PDZD2: variants seen among roughly 807,000 people sequenced by gnomAD.
PDZD2 encodes PDZ domain containing 2, also known as PDZ domain-containing protein 2.
PDZD2 carries 90 observed loss-of-function variants against 220.7 expected under a neutral mutation model. That is an observed-to-expected ratio of 0.41 (90% CI 0.34 to 0.49). The LOEUF (loss-of-function observed/expected upper bound fraction) is 0.49, where lower values mean the gene tolerates loss of function less well. Ranked by LOEUF, PDZD2 falls within the 20% of genes least tolerant of loss-of-function variation. The pLI is 0.28. For missense variants in PDZD2, 3,174 were observed against 3,608.5 expected, an observed-to-expected ratio of 0.88 and a Z score of 3.08; for synonymous variants, 1,375 against 1,450.5, an observed-to-expected ratio of 0.95 and a Z score of 1.18.
At chr5:31,699,792 G>GT (rs397780799) in intron 1 of PDZD2, among the ~76,000 whole-genome samples, 25,956 of 134,022 alleles carry the variant, frequency 0.19, 2,378 homozygotes, top group East Asian at 0.31. Context: ...TTTTTTTTTT[G>GT]TTTTTTTTTT....
At chr5:31,665,634 A>G (rs527697987) in intron 1 of PDZD2, among the ~76,000 whole-genome samples, 82 of 62,424 alleles carry the variant, frequency 1.3e-3, no homozygotes, top group African/African-American at 4.3e-3. Flanking sequence ...AAGTGTTTGG[A>G]AGTTCCCCCT....
intron 2 of PDZD2, among the ~76,000 whole-genome samples, chr5:31,802,235 C>T (rs186001217): frequency 1.6e-4 from 25 of 152,158 alleles, no homozygotes; most frequent in Non-Finnish European, 3.4e-4. Flanking sequence ...GAGGGAGGTT[C>T]ACTGTAGCTG....
rs543290061 is a variant in PDZD2, at chr5:31,890,045, AC to A, written c.476+90328del. Among the ~76,000 whole-genome samples, 38 of 124,176 alleles carry A rather than the reference AC, an allele frequency of 3.1e-4. No individual in the cohort carries two copies. In the South Asian group the frequency reaches 8.4e-3, roughly 27 times the overall value. The allele number at this position is 124,176 out of a possible 152,430, so 81.5% of individuals were successfully genotyped here. A position where few individuals can be genotyped will look rare whatever the true frequency, so the allele number is the denominator to read the frequency against. ...CCCCCCTCCAAAAGCAAAAACAAAC[AC>A]CCCCCCACCCCCACCAAAACAAACA... On this transcript the variant is annotated intron_variant, in intron 2 of 24. Transcript: ENST00000438447.
chr5:31,910,986 A>C (rs1340704802), intron 2 of PDZD2, among the ~76,000 whole-genome samples: 1 of 152,098 alleles, frequency 6.6e-6, no homozygotes, highest in Admixed American at 6.5e-5. Flanking sequence ...TAAAATTCCC[A>C]TTGATATGAG....
At chr5:31,924,339 C>T (rs1744552166) in intron 2 of PDZD2, among the ~76,000 whole-genome samples, 2 of 152,192 alleles carry the variant, frequency 1.3e-5, no homozygotes, top group South Asian at 4.2e-4. Context: ...ATGTAATTGT[C>T]TCCAGGTACA....
chr5:32,067,465 A>C (rs1166139111), intron 14 of PDZD2, among the ~76,000 whole-genome samples: 1 of 152,148 alleles, frequency 6.6e-6, no homozygotes, highest in African/African-American at 2.4e-5. Context: ...TATATGCCTG[A>C]GTGCATGTAT....
intron 1 of PDZD2, among the ~76,000 whole-genome samples, chr5:31,796,067 A>T (rs1252565219): frequency 6.6e-6 from 1 of 152,210 alleles, no homozygotes; most frequent in East Asian, 1.9e-4. Context: ...CTCTTGGCCA[A>T]CAGTGATTGG....
At chr5:31,964,543 G>A (rs1748543469) in intron 2 of PDZD2, among the ~76,000 whole-genome samples, 1 of 151,994 alleles carries the variant, frequency 6.6e-6, no homozygotes, top group Non-Finnish European at 1.5e-5. Flanking sequence ...AATCTTTGTG[G>A]ATGCCTTTCA....
At chr5:31,778,775 C>T (rs1190802912) in intron 1 of PDZD2, among the ~76,000 whole-genome samples, 1 of 152,168 alleles carries the variant, frequency 6.6e-6, no homozygotes, top group African/African-American at 2.4e-5. Context: ...TGAGCCACCG[C>T]ACCCAGCCAC....
intron 1 of PDZD2, among the ~76,000 whole-genome samples, chr5:31,672,009 T>C (rs1467315791): frequency 6.6e-6 from 1 of 152,138 alleles, no homozygotes; most frequent in Non-Finnish European, 1.5e-5. Flanking sequence ...GGATAATTGT[T>C]GTGGGAGCTG....
intron 1 of PDZD2, among the ~76,000 whole-genome samples, chr5:31,724,196 A>G (rs1433291605): frequency 6.6e-6 from 1 of 152,180 alleles, no homozygotes; most frequent in African/African-American, 2.4e-5. Flanking sequence ...CCTTTTGGCC[A>G]TCATCAACCT....
At chr5:31,857,459 G>A (rs749134761) in intron 2 of PDZD2, among the ~76,000 whole-genome samples, 4 of 152,170 alleles carry the variant, frequency 2.6e-5, no homozygotes, top group Non-Finnish European at 5.9e-5. Flanking sequence ...GGACATGGGA[G>A]GCAAGTTTTT....
chr5:31,895,184 G>A (rs1741435988), intron 2 of PDZD2, among the ~76,000 whole-genome samples: 1 of 152,150 alleles, frequency 6.6e-6, no homozygotes, highest in Non-Finnish European at 1.5e-5. Flanking sequence ...CACCGTGCCT[G>A]GCCGCCCTTT....
At chr5:31,916,799 C>T (rs1458722953) in intron 2 of PDZD2, among the ~76,000 whole-genome samples, 1 of 152,140 alleles carries the variant, frequency 6.6e-6, no homozygotes, top group African/African-American at 2.4e-5. Context: ...TGTCCAGATG[C>T]CTGGGGAAGG....
chr5:31,991,264 G>T (rs922848086), intron 3 of PDZD2, among the ~76,000 whole-genome samples: 1 of 152,154 alleles, frequency 6.6e-6, no homozygotes, highest in Admixed American at 6.5e-5. Context: ...AATTTAAAAG[G>T]GAGACCAAAC....
chr5:31,865,717 T>A (rs1738162151), intron 2 of PDZD2, among the ~76,000 whole-genome samples: 1 of 132,988 alleles, frequency 7.5e-6, no homozygotes, highest in African/African-American at 2.9e-5. Context: ...CACTGCAAGC[T>A]CCGCCTCCCG....
At chr5:31,781,689 G>T (rs1266679922) in intron 1 of PDZD2, among the ~76,000 whole-genome samples, 1 of 152,140 alleles carries the variant, frequency 6.6e-6, no homozygotes, top group Non-Finnish European at 1.5e-5. Context: ...AATCACTGGT[G>T]GATTACTTCT....
At position 32,010,376 on chromosome 5, in the gene PDZD2, C is replaced by T; in HGVS notation, c.1301C>T (p.Pro434Leu). The T allele has an allele frequency of 6.2e-7, 1 of 1,612,060 alleles. No homozygotes were observed. The change falls in exon 6 of 25, where the codon CCA (proline) becomes CTA (leucine). Residue 434 changes from proline to leucine, a missense_variant. Coordinates refer to ENST00000438447, the MANE Select transcript of PDZD2 (RefSeq NM_178140.4). ...DLLRLTSKSL[P>L]DLTSSVEDVS... is the part of the protein sequence containing the mutation. ...CTCAGGTTAACATCTAAGAGCTTGC[C>T]AGATCTGACCAGCTCGGTAGAAGAT...
chr5:31,774,974 A>G (rs1171519415), intron 1 of PDZD2, among the ~76,000 whole-genome samples: 1 of 152,202 alleles, frequency 6.6e-6, no homozygotes, highest in African/African-American at 2.4e-5. Context: ...CACTCCCACC[A>G]TGGCTGGTTT....
Sources: allele counts gnomAD v4.1 joint callset (sites outside exome capture counted in the v4.1 genomes callset), GRCh38; gene constraint gnomAD v4.1.1; transcripts MANE v1.5; gene names NCBI Gene and HGNC (gene_info 2026-07-23, HGNC 2026-07-21).